Variants in MICALL2 observed in about 807,000 individuals in gnomAD.
The protein encoded by MICALL2 is MICAL like 2, also known as MICAL-like protein 2.
Under a neutral mutation model 91.1 loss-of-function variants are expected in MICALL2, and 111 were observed. The observed-to-expected ratio is 1.22, with a 90% CI of 1.04 to 1.43. The LOEUF is 1.43. MICALL2 is among the 40% of genes most tolerant of loss of function. The pLI, the probability that MICALL2 is intolerant of heterozygous loss-of-function variation, is 0.00. For synonymous variants in MICALL2, 694 were observed against 525.3 expected, an observed-to-expected ratio of 1.32 and a Z score of -4.39; for missense variants, 1,556 against 1,236.0, an observed-to-expected ratio of 1.26 and a Z score of -3.88.
At chr7:1,435,403 G>T (rs114827652) in intron 15 of MICALL2, among the ~76,000 whole-genome samples, 11,579 of 152,038 alleles carry the variant, frequency 0.076, 1,485 homozygotes, top group African/African-American at 0.26. Context: ...GGTGACCTGG[G>T]ACAGAAGGGC....
rs59690840 is a variant in MICALL2 at position 1,444,968 on chromosome 7, C to T, written c.1102G>A (p.Ala368Thr). The change falls in exon 6 of 17, where the codon GCC (alanine) becomes ACC (threonine). Residue 368 changes from alanine (A) to threonine (T), a missense_variant. Physicochemically the swap from Ala to Thr is moderately conservative, Grantham distance 58. Transcript: ENST00000297508. ...AASHPAVPPSAPDPRPATPQG... is the reference protein window; with the variant it reads ...AASHPAVPPSTPDPRPATPQG... ...GGTGTGGCCGGGCGAGGGTCTGGGG[C>T]ACTCGGGGGCACGGCGGGATGGGAG... 3.3e-3 allele frequency: 5,025 copies of T among 1,506,444 alleles called. 138 individuals are homozygous for T. In the African/African-American group the frequency reaches 0.06, roughly 18 times the overall value. 93.3% of individuals were successfully genotyped at this position (1,506,444 alleles called of 1,614,324 possible). A position where few individuals can be genotyped will look rare whatever the true frequency, so the allele number is the denominator to read the frequency against.
At position 1,440,080 on chromosome 7, in the gene MICALL2, A is replaced by G; in HGVS notation, c.1811T>C (p.Leu604Pro). ...CAGGGCCCGTGGTTCCTTGGGCTTC[A>G]GAGTCCTGGGCAGAAGGCATGAGGT... Reference protein sequence around the residue: ...VDRRSPAERTLKPKEPRALAE... With the variant: ...VDRRSPAERTPKPKEPRALAE... The change falls in exon 9 of 17, where the codon CTG becomes CCG. Residue 604 changes from leucine to proline, a missense_variant. Physicochemically the swap from Leu to Pro is moderately conservative, Grantham distance 98. Coordinates refer to ENST00000297508, the MANE Select transcript of MICALL2 (RefSeq NM_182924.4). 1 of 1,588,082 alleles carries G rather than the reference A, an allele frequency of 6.3e-7. No individual in the cohort carries two copies. Among genetic ancestry groups the G allele is most frequent in the Non-Finnish European group, 8.5e-7 (1 of 1,172,068 alleles).
intron 1 of MICALL2, among the ~76,000 whole-genome samples, chr7:1,458,471 T>C (rs1028647281): frequency 6.6e-5 from 10 of 152,268 alleles, no homozygotes; most frequent in Non-Finnish European, 8.8e-5. Flanking sequence ...CCCAGTCATT[T>C]AGCCAAAGAG....
intron 1 of MICALL2, among the ~76,000 whole-genome samples, chr7:1,453,434 C>T (rs1780907119): frequency 6.6e-6 from 1 of 152,140 alleles, no homozygotes; most frequent in African/African-American, 2.4e-5. Flanking sequence ...CCTCCTGCCC[C>T]CAGGAGGGCC....
At chr7:1,449,144 A>T (rs1249463082) in intron 2 of MICALL2, among the ~76,000 whole-genome samples, 1 of 152,152 alleles carries the variant, frequency 6.6e-6, no homozygotes, top group Non-Finnish European at 1.5e-5. Flanking sequence ...GAAGGGACAC[A>T]CAGGTCGCCA....
chr7:1,442,087 C>T (rs138453558), intron 7 of MICALL2, 105 bp downstream of exon 7: 100 of 1,280,252 alleles, frequency 7.8e-5, no homozygotes, highest in East Asian at 4.4e-4. Context: ...GAGAGGAAGG[C>T]GGGCGGGGCT....
In MICALL2 at chr7:1,437,536, G is replaced by C; in HGVS notation, c.2475C>G (p.Pro825=). ...EGELRRLMAK[P]EALKSLQERR... ...TTGGCTGGCGCGCGGGGGACGCACC[G>C]GGCTTGGCCATGAGCCGGCGCAGCT... Residue 825 remains proline, a splice_region_variant and synonymous_variant, in exon 14 of 17, where the codon CCC becomes CCG. Transcript: ENST00000297508. 1.3e-6 allele frequency: 2 copies of C among 1,524,900 alleles called. No homozygotes were observed. The highest frequency in any genetic ancestry group is 1.8e-6 in the Non-Finnish European group (2 of 1,142,818). 94.5% of individuals were successfully genotyped at this position (1,524,900 alleles called of 1,614,324 possible).
Position 1,446,797 on chromosome 7 carries a change from C to T in MICALL2, c.557G>A (p.Ser186Asn). 6.2e-7 allele frequency: 1 copy of T among 1,604,152 alleles called. No homozygotes were observed. The highest frequency in any genetic ancestry group is 8.5e-7 in the Non-Finnish European group (1 of 1,175,856). ...GTGCTTGCCGCAGACCCCGCAGGTGCTGCTGACCAAGCTGCCCGCCAATGC... is the reference window on the plus strand; with the variant it reads ...GTGCTTGCCGCAGACCCCGCAGGTGTTGCTGACCAAGCTGCCCGCCAATGC... ...DQALAGSLVS[S>N]TCGVCGKHVH... The change falls in exon 5 of 17, where the codon AGC (serine) becomes AAC (asparagine). Residue 186 changes from serine (S) to asparagine (N), a missense_variant. Transcript: ENST00000297508.
At chr7:1,438,637 G>C (rs1417381528) in intron 10 of MICALL2, 1 of 1,422,796 alleles carries the variant, frequency 7.0e-7, no homozygotes, top group Non-Finnish European at 9.2e-7. Context: ...ATCACCATGA[G>C]TCTGTAACAA....
intron 1 of MICALL2, 22 bp downstream of exon 1, chr7:1,459,162 A>C (rs1199489614): frequency 6.3e-7 from 1 of 1,597,770 alleles, no homozygotes; most frequent in Non-Finnish European, 8.5e-7. Flanking sequence ...AGAAGAATCA[A>C]AGGGCGCCAG....
intron 1 of MICALL2, among the ~76,000 whole-genome samples, chr7:1,454,242 T>C (rs1295971503): frequency 6.6e-6 from 1 of 151,342 alleles, no homozygotes; most frequent in Non-Finnish European, 1.5e-5. Context: ...CAGGAGAGAA[T>C]CCCACGGAGA....
rs1008186518 is a variant in MICALL2 at position 1,442,293 on chromosome 7, C to T, written c.1610G>A (p.Arg537Lys). ...GACCCCTGAGGATTCCGCCAAGTTC[C>T]TCCTGCCTGCCGGGGGCAACGCGGA... ...QASALPPAGR[R>K]NLAESSGVGR... Residue 537 changes from arginine to lysine, a missense_variant, in exon 7 of 17, where the codon AGG becomes AAG. Transcript: ENST00000297508. 3.7e-6 allele frequency: 6 copies of T among 1,612,984 alleles called. No homozygotes were observed. The African/African-American group carries it at 4.0e-5, about 11-fold the overall frequency.
At chr7:1,444,624 CG>C in intron 6 of MICALL2, 27 bp downstream of exon 6, 2 of 1,594,072 alleles carry the variant, frequency 1.3e-6, no homozygotes, top group South Asian at 2.2e-5. Context: ...AGGCCATACC[CG>C]GGGTCCCTCG....
intron 7 of MICALL2, 111 bp from the exon 8 acceptor site, chr7:1,440,795 G>A: frequency 1.1e-6 from 1 of 907,220 alleles, no homozygotes; most frequent in Non-Finnish European, 1.7e-6. Context: ...TCCACCCTCA[G>A]ACACCCCCAC....
chr7:1,444,995 C>G lies in MICALL2; in HGVS notation c.1075G>C (p.Ala359Pro), dbSNP rs759640011. The G allele has an allele frequency of 6.6e-7, 1 of 1,508,208 alleles. No individual in the cohort carries two copies. The highest frequency in any genetic ancestry group is 8.9e-7 in the Non-Finnish European group (1 of 1,126,710). 93.4% of individuals were successfully genotyped at this position (1,508,208 alleles called of 1,614,324 possible). The change falls in exon 6 of 17, where the codon GCC (alanine) becomes CCC (proline). Residue 359 changes from alanine to proline, a missense_variant. Ala to Pro is a conservative substitution (Grantham distance 27). Coordinates refer to ENST00000297508, the MANE Select transcript of MICALL2 (RefSeq NM_182924.4). Reference sequence around the variant, plus strand: ...CTCGGGGGCACGGCGGGATGGGAGGCAGCCGCTGCTGTGCACGGGGCAGCT... The same window carrying G: ...CTCGGGGGCACGGCGGGATGGGAGGGAGCCGCTGCTGTGCACGGGGCAGCT... ...SSAAPCTAAA[A>P]SHPAVPPSAP...
intron 6 of MICALL2, among the ~76,000 whole-genome samples, chr7:1,443,268 C>T (rs1181592149): frequency 2.0e-5 from 3 of 151,456 alleles, no homozygotes; most frequent in African/African-American, 4.9e-5. Context: ...ATGCCCTGGA[C>T]ACCCCCCAGT....
chr7:1,437,839 C>A (rs1488652781), intron 13 of MICALL2, 51 bp downstream of exon 13: 1 of 1,504,164 alleles, frequency 6.6e-7, no homozygotes, highest in Non-Finnish European at 9.0e-7. Context: ...GCCTGCCCAG[C>A]CCGCAACGAG....
intron 3 of MICALL2, among the ~76,000 whole-genome samples, 182 bp downstream of exon 3, chr7:1,448,438 A>G (rs572485858): frequency 9.1e-4 from 138 of 150,954 alleles, no homozygotes; most frequent in African/African-American, 3.1e-3. Context: ...GGGGTTGGGG[A>G]TGGGGCGCCC....
In MICALL2 at chr7:1,447,589, G is replaced by A; in HGVS notation, c.511C>T (p.Pro171Ser). ...TGGGAGCTTACAGTCTTGGGGGGCG[G>A]GCCCCCTGCACCCTCATTCCTCCTC... is the stretch of plus-strand genomic sequence containing the variant. The part of the protein sequence containing the change: ...VQRRNEGAGG[P>S]PPKTDQALAG... The change falls in exon 4 of 17, where the codon CCG becomes TCG. Residue 171 changes from proline (P) to serine (S), a missense_variant. Transcript: ENST00000297508. 4 of 1,570,676 alleles carry A rather than the reference G, an allele frequency of 2.5e-6. No individual in the cohort carries two copies. The highest frequency in any genetic ancestry group is 3.5e-6 in the Non-Finnish European group (4 of 1,158,152).
Sources: allele counts gnomAD v4.1 joint callset (sites outside exome capture counted in the v4.1 genomes callset), GRCh38; gene constraint gnomAD v4.1.1; transcripts MANE v1.5; gene names NCBI Gene and HGNC (gene_info 2026-07-23, HGNC 2026-07-21).